PRR16: variants seen among roughly 807,000 people sequenced by gnomAD.
PRR16 encodes the protein proline rich 16, also known as protein Largen.
In PRR16, 6 loss-of-function variants were observed where a neutral mutation model predicts 18.2. The ratio of observed to expected loss-of-function variants is 0.33; its 90% CI spans 0.18 to 0.65. The LOEUF (loss-of-function observed/expected upper bound fraction) is 0.65, where lower values mean the gene tolerates loss of function less well. PRR16 is among the 30% of genes least tolerant of loss of function. The probability of loss-of-function intolerance (pLI) is 0.74; values close to 1 mark genes in which losing one functional copy is unlikely to be tolerated. For synonymous variants in PRR16, 151 were observed against 147.8 expected (o/e 1.02, Z -0.16); for missense variants, 412 against 376.6 (o/e 1.09, Z -0.78).
the PRR16 span, among the ~76,000 whole-genome samples, chr5:120,777,410 A>C: frequency 6.6e-6 from 1 of 152,070 alleles, no homozygotes; most frequent in Non-Finnish European, 1.5e-5. Flanking sequence ...TTAAAACATA[A>C]TTATTTTCGG....
chr5:120,716,058 C>T, the PRR16 span, among the ~76,000 whole-genome samples: 2 of 152,186 alleles, frequency 1.3e-5, no homozygotes, highest in African/African-American at 4.8e-5. Flanking sequence ...GCAGCAACAA[C>T]AACAACAAAT....
chr5:120,643,067 A>G (rs577618159), intron 1 of PRR16, among the ~76,000 whole-genome samples: 44 of 152,242 alleles, frequency 2.9e-4, no homozygotes, highest in African/African-American at 1.0e-3. Flanking sequence ...TCAAAGATAA[A>G]TATACTCGCA....
chr5:120,482,318 G>A (rs963065792), intron 1 of PRR16, among the ~76,000 whole-genome samples: 1 of 152,004 alleles, frequency 6.6e-6, no homozygotes, highest in African/African-American at 2.4e-5. Flanking sequence ...GTTTATCACT[G>A]CTGTCTTCAT....
intron 1 of PRR16, among the ~76,000 whole-genome samples, chr5:120,576,950 A>G (rs1303587491): frequency 6.6e-6 from 1 of 152,040 alleles, no homozygotes; most frequent in African/African-American, 2.4e-5. Context: ...ATATGTATAT[A>G]CACATATACA....
chr5:120,543,956 G>T (rs1400825023), intron 1 of PRR16, among the ~76,000 whole-genome samples: 1 of 152,114 alleles, frequency 6.6e-6, no homozygotes, highest in East Asian at 1.9e-4. Context: ...GGATGATTTG[G>T]TAATTCTTTG....
chr5:120,531,180 C>T (rs1483676591), intron 1 of PRR16, among the ~76,000 whole-genome samples: 1 of 152,074 alleles, frequency 6.6e-6, no homozygotes, highest in African/African-American at 2.4e-5. Flanking sequence ...TAAAACTGTC[C>T]ACCATGAACC....
the PRR16 span, among the ~76,000 whole-genome samples, chr5:120,754,602 TC>T: frequency 1.2e-5 from 1 of 85,778 alleles, no homozygotes; most frequent in African/African-American, 4.7e-5. Context: ...ATAATATATA[TC>T]GTTATATATT....
At chr5:120,666,218 C>G (rs1271755379) in intron 1 of PRR16, among the ~76,000 whole-genome samples, 1 of 152,158 alleles carries the variant, frequency 6.6e-6, no homozygotes, top group Non-Finnish European at 1.5e-5. Context: ...CTCTTTGAAG[C>G]AATTGTGAAT....
intron 1 of PRR16, among the ~76,000 whole-genome samples, chr5:120,509,144 A>G (rs1029396459): frequency 6.6e-6 from 1 of 152,260 alleles, no homozygotes; most frequent in African/African-American, 2.4e-5. Context: ...GTAGTAGCAC[A>G]GTAAATCTTT....
At chr5:120,617,725 A>C (rs1307963469) in intron 1 of PRR16, among the ~76,000 whole-genome samples, 1 of 152,166 alleles carries the variant, frequency 6.6e-6, no homozygotes, top group Non-Finnish European at 1.5e-5. Flanking sequence ...TCACATATTA[A>C]GACAATAGTC....
At chr5:120,645,344 A>C (rs1219685166) in intron 1 of PRR16, among the ~76,000 whole-genome samples, 3 of 151,754 alleles carry the variant, frequency 2.0e-5, no homozygotes, top group East Asian at 3.9e-4. Context: ...GCATACACAC[A>C]CACACACAGA....
At chr5:120,502,034 G>T (rs559421352) in intron 1 of PRR16, among the ~76,000 whole-genome samples, 1 of 145,974 alleles carries the variant, frequency 6.9e-6, no homozygotes, top group Non-Finnish European at 1.5e-5. Context: ...GGGGACTCAA[G>T]TACTCCTCAA....
Position 120,686,540 on chromosome 5 carries a change from C to T in PRR16, c.746C>T (p.Pro249Leu), listed in dbSNP as rs1241170850. ...HPPGKIPHQG[P>L]PLPPTPHLPP... ...CCGGGAAAGATTCCTCACCAAGGCCCTCCCCTCCCTCCTACACCCCATCTC... is the reference window on the plus strand; with the variant it reads ...CCGGGAAAGATTCCTCACCAAGGCCTTCCCCTCCCTCCTACACCCCATCTC... Residue 249 changes from proline (P) to leucine (L), a missense_variant, in exon 2 of 2, where the codon CCT becomes CTT. By Grantham distance (98) the Pro-to-Leu change is moderately conservative. Transcript: ENST00000407149. 4 of 1,613,704 alleles carry T rather than the reference C, an allele frequency of 2.5e-6. No homozygotes were observed. The highest frequency in any genetic ancestry group is 3.4e-6 in the Non-Finnish European group (4 of 1,179,852).
At chr5:120,667,761 G>A (rs931403698) in intron 1 of PRR16, among the ~76,000 whole-genome samples, 33 of 152,098 alleles carry the variant, frequency 2.2e-4, no homozygotes, top group African/African-American at 7.5e-4. Flanking sequence ...GTAGTTGAGC[G>A]GTTTTGAGAG....
intron 1 of PRR16, among the ~76,000 whole-genome samples, chr5:120,685,694 C>T (rs965444709): frequency 6.6e-6 from 1 of 152,042 alleles, no homozygotes; most frequent in Non-Finnish European, 1.5e-5. Context: ...GTGGGTATAT[C>T]AGAGTCAGAA....
At chr5:120,595,985 A>T (rs1223548456) in intron 1 of PRR16, among the ~76,000 whole-genome samples, 1 of 151,950 alleles carries the variant, frequency 6.6e-6, no homozygotes, top group Non-Finnish European at 1.5e-5. Flanking sequence ...AAATCAAAAG[A>T]TGAGCAGTGA....
chr5:120,770,576 T>G, the PRR16 span, among the ~76,000 whole-genome samples: 1 of 151,986 alleles, frequency 6.6e-6, no homozygotes, highest in Non-Finnish European at 1.5e-5. Context: ...CAAGTGAGAC[T>G]GTATCACACT....
intron 1 of PRR16, among the ~76,000 whole-genome samples, chr5:120,664,680 T>TCC: frequency 6.6e-6 from 1 of 152,034 alleles, no homozygotes; most frequent in African/African-American, 2.4e-5. Context: ...ATTGTTCAAT[T>TCC]CACGTCTATG....
downstream of PRR16, among the ~76,000 whole-genome samples, chr5:120,689,508 G>C (rs1222033856): frequency 6.6e-6 from 1 of 152,084 alleles, no homozygotes; most frequent in African/African-American, 2.4e-5. Flanking sequence ...ACCATAAACA[G>C]AAATGTTTTC....
Sources: allele counts gnomAD v4.1 joint callset (sites outside exome capture counted in the v4.1 genomes callset), GRCh38; gene constraint gnomAD v4.1.1; transcripts MANE v1.5; gene names NCBI Gene and HGNC (gene_info 2026-07-23, HGNC 2026-07-21).